The following ASTN1 variants were observed in gnomAD, a reference collection of about 807,000 sequenced individuals.
ASTN1 encodes astrotactin 1.
A neutral mutation model predicts 140.7 loss-of-function variants in ASTN1; 41 were observed. The ratio of observed to expected loss-of-function variants is 0.29; its 90% CI spans 0.23 to 0.38. ASTN1 has a LOEUF of 0.38. Among genes scored for constraint, ASTN1 ranks in the 10% least tolerant of loss-of-function variants. ASTN1 has a pLI of 1.00. For synonymous variants in ASTN1, 640 were observed against 652.2 expected, an observed-to-expected ratio of 0.98 and a Z score of 0.29; for missense variants, 1,479 against 1,678.8, an observed-to-expected ratio of 0.88 and a Z score of 2.08.
At chr1:177,138,307 C>T (rs1200201576) in intron 1 of ASTN1, among the ~76,000 whole-genome samples, 1 of 152,156 alleles carries the variant, frequency 6.6e-6, no homozygotes, top group Non-Finnish European at 1.5e-5. Flanking sequence ...TATCACGGGA[C>T]CATAGACATA....
Position 177,134,076 on chromosome 1 carries a change from C to A in ASTN1, c.283+30318G>T, listed in dbSNP as rs79457548. ...GAAATGAGGGCACAGATCTCTGGAT[C>A]CACAAATCCCAATCCATTGTGCTAA... On this transcript the variant is annotated intron_variant, in intron 1 of 22. Coordinates refer to ENST00000361833, the MANE Select transcript of ASTN1 (RefSeq NM_004319.3). 3.0e-3 allele frequency among the ~76,000 whole-genome samples: 463 copies of A among 152,294 alleles called. 22 individuals are homozygous for A. The East Asian group carries it at 0.077, about 25-fold the overall frequency.
At chr1:177,044,256 C>T (rs1485247601) in intron 2 of ASTN1, among the ~76,000 whole-genome samples, 1 of 151,934 alleles carries the variant, frequency 6.6e-6, no homozygotes, top group East Asian at 1.9e-4. Flanking sequence ...GGCATCCCAC[C>T]CACCCATAGC....
intron 1 of ASTN1, among the ~76,000 whole-genome samples, chr1:177,159,676 G>A (rs1321007418): frequency 1.3e-5 from 2 of 152,226 alleles, no homozygotes; most frequent in Non-Finnish European, 2.9e-5. Flanking sequence ...TGGACAAGTA[G>A]CTAAAACCAC....
chr1:177,061,811 A>G (rs1404321749), intron 1 of ASTN1, among the ~76,000 whole-genome samples: 1 of 152,218 alleles, frequency 6.6e-6, no homozygotes, highest in African/African-American at 2.4e-5. Context: ...TGCATAGTCC[A>G]CTGGAGATGT....
chr1:176,949,084 C>T, intron 12 of ASTN1, 101 bp downstream of exon 12: 4 of 1,494,740 alleles, frequency 2.7e-6, no homozygotes, highest in East Asian at 2.3e-5. Context: ...AAGGGATGGC[C>T]TAGGGTGACC....
chr1:176,863,276 A>G lies in ASTN1; in HGVS notation c.*1008T>C, dbSNP rs1198384848. On this transcript the variant is annotated 3_prime_UTR_variant, in exon 23 of 23. Transcript: ENST00000361833. ...TGAACAGAAGTTTTTTGTGATCAAT[A>G]ATAGCTTTAGTTCACTGTAACACTG... is the stretch of plus-strand genomic sequence containing the variant. The G allele has an allele frequency of 2.0e-6, 2 of 985,890 alleles. No individual in the cohort carries two copies. The highest frequency in any genetic ancestry group is 3.5e-5 in the African/African-American group (2 of 57,370). 61.1% of individuals were successfully genotyped at this position (985,890 alleles called of 1,614,324 possible).
chr1:177,144,944 AATC>A (rs1412941746), intron 1 of ASTN1, among the ~76,000 whole-genome samples: 2 of 152,164 alleles, frequency 1.3e-5, no homozygotes, highest in Admixed American at 6.5e-5. Flanking sequence ...GATAGAGAAA[AATC>A]ATCATTTTTA....
intron 1 of ASTN1, among the ~76,000 whole-genome samples, chr1:177,124,067 G>A (rs999066290): frequency 6.6e-6 from 1 of 152,148 alleles, no homozygotes. Flanking sequence ...GGGCTTAGGA[G>A]CTGCTTCCCA....
intron 1 of ASTN1, among the ~76,000 whole-genome samples, chr1:177,136,360 T>C (rs532345697): frequency 7.1e-6 from 1 of 141,240 alleles, no homozygotes; most frequent in Non-Finnish European, 1.5e-5. Context: ...CTTCCTTTTT[T>C]TTTTTTTTTT....
intron 16 of ASTN1, among the ~76,000 whole-genome samples, chr1:176,896,037 C>T (rs1669487406): frequency 1.3e-5 from 2 of 152,050 alleles, no homozygotes; most frequent in South Asian, 2.1e-4. Context: ...AAGTGGTACC[C>T]GAAGGTGATT....
chr1:177,030,204 C>G (rs766769572), intron 4 of ASTN1, among the ~76,000 whole-genome samples: 1 of 152,178 alleles, frequency 6.6e-6, no homozygotes, highest in Non-Finnish European at 1.5e-5. Context: ...GTAAAGGGAA[C>G]AATTCTAATG....
chr1:176,957,642 T>C (rs1046989989), intron 11 of ASTN1, 36 bp downstream of exon 11: 4 of 1,608,418 alleles, frequency 2.5e-6, no homozygotes, highest in Admixed American at 1.7e-5. Context: ...CTCCCCATCC[T>C]CAAACAGAAA....
At chr1:177,067,111 G>T (rs149669997) in intron 1 of ASTN1, among the ~76,000 whole-genome samples, 55 of 152,112 alleles carry the variant, frequency 3.6e-4, no homozygotes, top group Non-Finnish European at 7.1e-4. Flanking sequence ...GGTTTCTGAG[G>T]GGGGGTTCAC....
intron 2 of ASTN1, among the ~76,000 whole-genome samples, chr1:177,037,350 A>G (rs41480245): frequency 0.14 from 21,058 of 152,144 alleles, 1,898 homozygotes; most frequent in East Asian, 0.26. Flanking sequence ...GGGAGCAACA[A>G]TTGTCCTCTG....
chr1:176,990,978 A>AT (rs1480562265), intron 8 of ASTN1, among the ~76,000 whole-genome samples: 1 of 152,202 alleles, frequency 6.6e-6, no homozygotes, highest in Non-Finnish European at 1.5e-5. Flanking sequence ...CAAATTATAC[A>AT]TTGCATGTTT....
chr1:176,995,943 C>A (rs569747299), intron 8 of ASTN1, among the ~76,000 whole-genome samples: 1 of 152,094 alleles, frequency 6.6e-6, no homozygotes, highest in African/African-American at 2.4e-5. Context: ...ATGCTCCATG[C>A]TGGACCCTGG....
chr1:177,006,797 G>A (rs926027704), intron 8 of ASTN1, among the ~76,000 whole-genome samples: 1 of 152,120 alleles, frequency 6.6e-6, no homozygotes, highest in African/African-American at 2.4e-5. Flanking sequence ...CCTCCTCTGG[G>A]GGTAGACAGC....
chr1:176,934,659 A>T (rs956139196), intron 15 of ASTN1, among the ~76,000 whole-genome samples: 3 of 151,814 alleles, frequency 2.0e-5, no homozygotes, highest in Admixed American at 2.0e-4. Flanking sequence ...AAATCAATTT[A>T]GTGAGTTCAA....
intron 2 of ASTN1, among the ~76,000 whole-genome samples, chr1:177,045,330 A>G (rs1677165906): frequency 6.6e-6 from 1 of 152,172 alleles, no homozygotes; most frequent in Admixed American, 6.5e-5. Context: ...CGGGGCTGAC[A>G]CTCAGTGAAT....
Sources: allele counts gnomAD v4.1 joint callset (sites outside exome capture counted in the v4.1 genomes callset), GRCh38; gene constraint gnomAD v4.1.1; transcripts MANE v1.5; gene names NCBI Gene and HGNC (gene_info 2026-07-23, HGNC 2026-07-21).